The following KANK4 variants were observed in gnomAD, a reference collection of about 807,000 sequenced individuals.
KANK4 encodes KN motif and ankyrin repeat domain-containing protein 4.
Under a neutral mutation model 80.8 loss-of-function variants are expected in KANK4, and 50 were observed. The observed-to-expected ratio is 0.62, with a 90% CI of 0.49 to 0.78. The LOEUF (loss-of-function observed/expected upper bound fraction) is 0.78. Ranked by LOEUF, KANK4 falls within the 30% of genes least tolerant of loss-of-function variation. KANK4 has a pLI of 0.00. For missense variants in KANK4, 1,196 were observed against 1,240.1 expected (o/e 0.96, Z 0.53); for synonymous variants, 465 against 506.9 (o/e 0.92, Z 1.11).
chr1:62,276,879 A>C (rs1042613266), intron 2 of KANK4, among the ~76,000 whole-genome samples: 1 of 152,218 alleles, frequency 6.6e-6, no homozygotes, highest in African/African-American at 2.4e-5. Flanking sequence ...GAATCCCAAA[A>C]TATAGACAAT....
chr1:62,279,555 T>G (rs544993684), intron 2 of KANK4, among the ~76,000 whole-genome samples: 1 of 152,336 alleles, frequency 6.6e-6, no homozygotes, highest in African/African-American at 2.4e-5. Context: ...CTCCCACTTG[T>G]GTGATTCTGG....
chr1:62,316,534 T>C (rs7555793), intron 1 of KANK4, among the ~76,000 whole-genome samples: 1 of 152,214 alleles, frequency 6.6e-6, no homozygotes. Flanking sequence ...TAGGCAGTCA[T>C]CGCACCTCAC....
intron 1 of KANK4, among the ~76,000 whole-genome samples, chr1:62,303,448 G>C (rs1644428036): frequency 6.6e-6 from 1 of 152,024 alleles, no homozygotes; most frequent in African/African-American, 2.4e-5. Flanking sequence ...ATGTGTTATA[G>C]CTGAGGTTTC....
intron 4 of KANK4, 23 bp downstream of exon 4, chr1:62,271,455 T>G: frequency 3.3e-6 from 5 of 1,500,432 alleles, no homozygotes; most frequent in Non-Finnish European, 4.6e-6. Context: ...AAAGGCAGTC[T>G]GAGCTTCACA....
At chr1:62,287,726 C>T (rs1474622339) in intron 1 of KANK4, among the ~76,000 whole-genome samples, 6 of 152,162 alleles carry the variant, frequency 3.9e-5, no homozygotes, top group African/African-American at 1.4e-4. Flanking sequence ...AAGTTCCTTA[C>T]TTTTCTTGGA....
At chr1:62,248,430 A>G (rs955545275) in intron 8 of KANK4, among the ~76,000 whole-genome samples, 2 of 151,992 alleles carry the variant, frequency 1.3e-5, no homozygotes, top group Non-Finnish European at 2.9e-5. Flanking sequence ...GTGCAGTGGC[A>G]CAATCACAGC....
Position 62,274,998 on chromosome 1 carries a change from C to T in KANK4, c.106G>A (p.Asp36Asn), listed in dbSNP as rs1672276683. The change falls in exon 3 of 10, where the codon GAC becomes AAC. Residue 36 changes from aspartate to asparagine, a missense_variant. Coordinates refer to ENST00000371153, the MANE Select transcript of KANK4 (RefSeq NM_181712.5). ...SVETPYGFHL[D>N]LDFLKYVDDI... ...TCCACATACTTGAGGAAGTCCAGGT[C>T]TAAATGAAAGCCATATGGGGTCTCC... 2 of 1,613,882 alleles carry T rather than the reference C, an allele frequency of 1.2e-6. No homozygotes were observed. The highest frequency in any genetic ancestry group is 1.7e-5 in the Admixed American group (1 of 59,982).
chr1:62,275,841 A>AGAGG (rs776947780), intron 2 of KANK4, among the ~76,000 whole-genome samples: 85 of 128,396 alleles, frequency 6.6e-4, no homozygotes, highest in Admixed American at 1.5e-3. Context: ...AAAGAGAGAG[A>AGAGG]GAGGGAGGGA....
intron 1 of KANK4, among the ~76,000 whole-genome samples, chr1:62,301,560 G>A (rs578019451): frequency 2.8e-4 from 43 of 152,186 alleles, no homozygotes; most frequent in Non-Finnish European, 5.1e-4. Flanking sequence ...AAAGCACAAA[G>A]ATTAAGGGTG....
chr1:62,299,096 C>T (rs955609758), intron 1 of KANK4, among the ~76,000 whole-genome samples: 4 of 151,892 alleles, frequency 2.6e-5, no homozygotes, highest in Admixed American at 2.6e-4. Flanking sequence ...TTGCCCAGGC[C>T]GGAGTGCTGG....
At chr1:62,317,501 A>C (rs764082872) in intron 1 of KANK4, among the ~76,000 whole-genome samples, 1 of 152,204 alleles carries the variant, frequency 6.6e-6, no homozygotes, top group Non-Finnish European at 1.5e-5. Context: ...TTCAGAAAGG[A>C]AGGCACTGAC....
rs75968873 is a variant in KANK4, at chr1:62,271,351, C to T, written c.2012+127G>A. 5 of 704,832 alleles carry T rather than the reference C, an allele frequency of 7.1e-6. No individual in the cohort carries two copies. The East Asian group carries it at 1.0e-4, about 14-fold the overall frequency. 43.7% of individuals were successfully genotyped at this position (704,832 alleles called of 1,614,324 possible). A position where few individuals can be genotyped will look rare whatever the true frequency, so the allele number is the denominator to read the frequency against. ...AAACCCGAGATGGAGTTTTAAAGGG[C>T]CATTGAAATTAATTCCCTTGAAGAG... On this transcript the variant is annotated intron_variant, in intron 4 of 9. Coordinates refer to ENST00000371153, the MANE Select transcript of KANK4 (RefSeq NM_181712.5).
At chr1:62,275,664 G>A (rs762062083) in intron 2 of KANK4, among the ~76,000 whole-genome samples, 1 of 152,174 alleles carries the variant, frequency 6.6e-6, no homozygotes, top group African/African-American at 2.4e-5. Flanking sequence ...TGCGCCTCAG[G>A]TATGCACAGA....
chr1:62,295,753 A>C (rs1397254318), intron 1 of KANK4, among the ~76,000 whole-genome samples: 1 of 152,220 alleles, frequency 6.6e-6, no homozygotes, highest in East Asian at 1.9e-4. Flanking sequence ...ATTGGAGGAC[A>C]TGGAATTGAT....
chr1:62,296,595 C>T (rs6658312), intron 1 of KANK4, among the ~76,000 whole-genome samples: 16 of 151,862 alleles, frequency 1.1e-4, no homozygotes, highest in East Asian at 5.9e-4. Context: ...TCTGACACCC[C>T]GTCTGGAGTG....
chr1:62,314,160 T>C (rs1057066909), intron 1 of KANK4, among the ~76,000 whole-genome samples: 1 of 152,022 alleles, frequency 6.6e-6, no homozygotes, highest in African/African-American at 2.4e-5. Context: ...ATTACAGGCA[T>C]GTGCTACCAT....
intron 1 of KANK4, among the ~76,000 whole-genome samples, chr1:62,299,070 A>T (rs1030760551): frequency 6.6e-6 from 1 of 151,330 alleles, no homozygotes. Flanking sequence ...TTTTTTTAAG[A>T]CAGTGTTTTG....
In KANK4 at chr1:62,237,975, TAG is replaced by T. The variant is rs1254771343; in HGVS notation, c.*300_*301del. The T allele has an allele frequency of 2.0e-5, 6 of 299,400 alleles. No homozygotes were observed. The highest frequency in any genetic ancestry group is 3.8e-5 in the Non-Finnish European group (6 of 159,032). The allele number at this position is 299,400 out of a possible 1,614,324, so 18.5% of individuals were successfully genotyped here. ...GCTTGCTACACAATGTTACAGAGGGTAGAGTCATGAGGAATTCAAGGCTGAAG... is the reference window on the plus strand; with the variant it reads ...GCTTGCTACACAATGTTACAGAGGGTAGTCATGAGGAATTCAAGGCTGAAG... On this transcript the variant is annotated 3_prime_UTR_variant, in exon 10 of 10. Coordinates refer to ENST00000371153, the MANE Select transcript of KANK4 (RefSeq NM_181712.5).
chr1:62,266,070 C>A (rs1039750052), intron 6 of KANK4, among the ~76,000 whole-genome samples: 1 of 152,200 alleles, frequency 6.6e-6, no homozygotes, highest in Non-Finnish European at 1.5e-5. Context: ...CACACTCTGT[C>A]CACAGTCCTC....
Sources: allele counts gnomAD v4.1 joint callset (sites outside exome capture counted in the v4.1 genomes callset), GRCh38; gene constraint gnomAD v4.1.1; transcripts MANE v1.5; gene names NCBI Gene and HGNC (gene_info 2026-07-23, HGNC 2026-07-21).